Variants in FHOD3 observed in about 807,000 individuals in gnomAD.
FHOD3 encodes formin homology 2 domain containing 3.
A neutral mutation model predicts 173.0 loss-of-function variants in FHOD3; 90 were observed. The ratio of observed to expected loss-of-function variants is 0.52; its 90% confidence interval spans 0.44 to 0.62. The LOEUF is 0.62. Ranked by LOEUF, FHOD3 falls within the 20% of genes least tolerant of loss-of-function variation. The pLI, the probability that FHOD3 is intolerant of heterozygous loss-of-function variation, is 0.00. For missense variants in FHOD3, 1,945 were observed against 2,034.7 expected (o/e 0.96, Z 0.85); for synonymous variants, 828 against 823.0 (o/e 1.01, Z -0.10).
At chr18:36,520,160 T>A (rs1261425351) in intron 5 of FHOD3, among the ~76,000 whole-genome samples, 2 of 152,144 alleles carry the variant, frequency 1.3e-5, no homozygotes, top group Non-Finnish European at 2.9e-5. Flanking sequence ...GGTCTTACTA[T>A]GTTTCCCAGG....
intron 3 of FHOD3, among the ~76,000 whole-genome samples, chr18:36,458,120 C>G (rs2052328237): frequency 6.6e-6 from 1 of 152,082 alleles, no homozygotes; most frequent in South Asian, 2.1e-4. Context: ...AGAAAGGGTT[C>G]TGGATTAAAC....
chr18:36,697,746 T>C (rs2039368095), intron 17 of FHOD3, among the ~76,000 whole-genome samples: 1 of 152,224 alleles, frequency 6.6e-6, no homozygotes, highest in South Asian at 2.1e-4. Context: ...TGGGTAAATA[T>C]GGCGATTCCT....
intron 1 of FHOD3, among the ~76,000 whole-genome samples, chr18:36,353,837 G>A (rs2046241777): frequency 6.6e-6 from 1 of 152,198 alleles, no homozygotes; most frequent in Non-Finnish European, 1.5e-5. Context: ...GGATGGGTCA[G>A]TGGATCTGGG....
chr18:36,298,197 G>C (rs1445156756), intron 1 of FHOD3, among the ~76,000 whole-genome samples, 197 bp downstream of exon 1: 1 of 152,140 alleles, frequency 6.6e-6, no homozygotes, highest in East Asian at 1.9e-4. Context: ...AGGACCCTCC[G>C]GGGCGGGCGG....
chr18:36,652,123 C>A (rs184510120), intron 11 of FHOD3, among the ~76,000 whole-genome samples: 8 of 152,364 alleles, frequency 5.3e-5, no homozygotes, highest in Admixed American at 3.3e-4. Context: ...TGGGATACCT[C>A]TTCCTCAAGG....
chr18:36,377,870 C>T (rs911231584), intron 3 of FHOD3, among the ~76,000 whole-genome samples: 3 of 152,168 alleles, frequency 2.0e-5, no homozygotes, highest in Non-Finnish European at 2.9e-5. Context: ...AGGCCCTGGA[C>T]CTGGGCTTCT....
At chr18:36,573,764 A>T (rs916489035) in intron 5 of FHOD3, among the ~76,000 whole-genome samples, 25 of 152,298 alleles carry the variant, frequency 1.6e-4, no homozygotes, top group African/African-American at 6.0e-4. Flanking sequence ...GTGTACGCTG[A>T]GTTCTAGGAC....
intron 17 of FHOD3, among the ~76,000 whole-genome samples, chr18:36,697,495 A>T (rs373539134): frequency 4.1e-5 from 6 of 147,674 alleles, no homozygotes; most frequent in African/African-American, 1.5e-4. Context: ...CACAGAAATA[A>T]TACATCACAG....
chr18:36,555,303 A>G (rs2057830141), intron 5 of FHOD3, among the ~76,000 whole-genome samples: 1 of 152,024 alleles, frequency 6.6e-6, no homozygotes, highest in African/African-American at 2.4e-5. Context: ...GGTTATTTAG[A>G]AGTGTGTTAC....
chr18:36,339,492 A>G (rs2045498439), intron 1 of FHOD3, among the ~76,000 whole-genome samples: 1 of 152,186 alleles, frequency 6.6e-6, no homozygotes, highest in Non-Finnish European at 1.5e-5. Flanking sequence ...GAAATTCTTA[A>G]TTTTATTTTT....
In FHOD3 at chr18:36,297,969, G is replaced by T; in HGVS notation, c.134G>T (p.Gly45Val). ...EDLALGTQLA[G>V]VHRLLQAPHK... ...CTCGCGCTCGGCACCCAGCTGGCGG[G>T]GGTCCATAGGCTGCTGCAGGCGCCG... The change falls in exon 1 of 29, where the codon GGG (glycine) becomes GTG (valine). Residue 45 changes from glycine (G) to valine (V), a missense_variant. Coordinates refer to ENST00000590592, the MANE Select transcript of FHOD3 (RefSeq NM_001281740.3). The T allele has an allele frequency of 6.4e-7, 1 of 1,564,166 alleles. No homozygotes were observed. The highest frequency in any genetic ancestry group is 2.4e-5 in the East Asian group (1 of 41,028).
At chr18:36,644,399 A>G (rs2149022175) in intron 10 of FHOD3, among the ~76,000 whole-genome samples, 1 of 152,362 alleles carries the variant, frequency 6.6e-6, no homozygotes, top group African/African-American at 2.4e-5. Flanking sequence ...GACTGGAACT[A>G]AATAAAATCA....
intron 3 of FHOD3, among the ~76,000 whole-genome samples, chr18:36,444,209 A>AT (rs1255251683): frequency 1.3e-5 from 2 of 151,616 alleles, no homozygotes; most frequent in African/African-American, 4.8e-5. Context: ...AAAAAAAAAA[A>AT]AAAGAATTGT....
At chr18:36,435,101 C>CTT (rs36034498) in intron 3 of FHOD3, among the ~76,000 whole-genome samples, 2,206 of 138,096 alleles carry the variant, frequency 0.016, 60 homozygotes, top group African/African-American at 0.053. Context: ...TTTCACTGGA[C>CTT]TTTTTTTTTT....
chr18:36,689,301 G>C (rs981796142), intron 16 of FHOD3, among the ~76,000 whole-genome samples: 6 of 152,202 alleles, frequency 3.9e-5, no homozygotes, highest in African/African-American at 7.2e-5. Flanking sequence ...AACTCTTCCA[G>C]ATAGAGCAAT....
At chr18:36,498,131 C>T (rs1200102522) in intron 3 of FHOD3, among the ~76,000 whole-genome samples, 2 of 152,088 alleles carry the variant, frequency 1.3e-5, no homozygotes, top group Non-Finnish European at 2.9e-5. Flanking sequence ...TTATTCCCCT[C>T]TGAATTCAAT....
In FHOD3 at chr18:36,297,815, C is replaced by A; in HGVS notation, c.-21C>A. The A allele has an allele frequency of 6.7e-7, 1 of 1,495,670 alleles. No homozygotes were observed. Among genetic ancestry groups the A allele is most frequent in the South Asian group, 1.3e-5 (1 of 79,060 alleles). The allele number at this position is 1,495,670 out of a possible 1,614,324, so 92.6% of individuals were successfully genotyped here. ...GGCCCCGCTAACCCCGGGGCCCGCG[C>A]CCCCGCGGCAGGGATGCATCATGGC... On this transcript the variant is annotated 5_prime_UTR_variant, in exon 1 of 29. Coordinates refer to ENST00000590592, the MANE Select transcript of FHOD3 (RefSeq NM_001281740.3).
chr18:36,484,445 C>T (rs2054087573), intron 3 of FHOD3, among the ~76,000 whole-genome samples: 2 of 152,148 alleles, frequency 1.3e-5, no homozygotes, highest in Non-Finnish European at 2.9e-5. Flanking sequence ...AAAGGTGCTT[C>T]TCTGACTTAG....
chr18:36,671,095 A>G (rs1195807185), intron 14 of FHOD3, among the ~76,000 whole-genome samples: 4 of 152,218 alleles, frequency 2.6e-5, no homozygotes, highest in African/African-American at 4.8e-5. Context: ...TTACATGCAT[A>G]TGCTGAACAA....
Sources: gnomAD v4.1 joint callset for allele counts (sites outside exome capture counted in the v4.1 genomes callset) on GRCh38, gnomAD v4.1.1 for gene constraint, MANE v1.5 for transcripts, NCBI Gene and HGNC (gene_info 2026-07-23, HGNC 2026-07-21) for gene names.